The following OLFM3 variants were observed in gnomAD, a reference collection of about 807,000 sequenced individuals.
OLFM3 encodes olfactomedin 3.
Under a neutral mutation model 48.6 loss-of-function variants are expected in OLFM3, and 20 were observed. That is an observed-to-expected ratio of 0.41 (90% confidence interval 0.29 to 0.60). OLFM3 has a LOEUF of 0.60. Among genes scored for constraint, OLFM3 ranks in the 20% least tolerant of loss-of-function variants. The pLI, the probability that OLFM3 is intolerant of heterozygous loss-of-function variation, is 0.28. For synonymous variants in OLFM3, 222 were observed against 198.1 expected (o/e 1.12, Z -1.01); for missense variants, 437 against 544.3 (o/e 0.80, Z 1.96).
chr1:101,838,667 G>C (rs1187780968), intron 1 of OLFM3, among the ~76,000 whole-genome samples: 3 of 151,880 alleles, frequency 2.0e-5, no homozygotes, highest in Non-Finnish European at 4.4e-5. Context: ...TTTTAGTAGA[G>C]TTGGATCTCG....
At chr1:101,993,684 G>C (rs1661478018) in intron 1 of OLFM3, among the ~76,000 whole-genome samples, 1 of 152,006 alleles carries the variant, frequency 6.6e-6, no homozygotes, top group South Asian at 2.1e-4. Flanking sequence ...TTGATCATCT[G>C]TCCCTATAAA....
chr1:101,894,556 T>C (rs1658125960), intron 1 of OLFM3, among the ~76,000 whole-genome samples: 1 of 152,184 alleles, frequency 6.6e-6, no homozygotes, highest in Admixed American at 6.5e-5. Context: ...ATTTATTTTC[T>C]TTTACATAAA....
chr1:101,890,878 T>G (rs1406674247), intron 1 of OLFM3, among the ~76,000 whole-genome samples: 1 of 151,920 alleles, frequency 6.6e-6, no homozygotes, highest in African/African-American at 2.4e-5. Context: ...TTCAGCAAAT[T>G]GAAGACAACA....
At chr1:101,959,833 G>T (rs917550857) in intron 1 of OLFM3, among the ~76,000 whole-genome samples, 14 of 151,988 alleles carry the variant, frequency 9.2e-5, no homozygotes, top group African/African-American at 3.4e-4. Flanking sequence ...ACAAGAAAGT[G>T]GCATACATAA....
At chr1:101,895,608 T>C (rs1477528159) in intron 1 of OLFM3, among the ~76,000 whole-genome samples, 1 of 152,176 alleles carries the variant, frequency 6.6e-6, no homozygotes, top group Non-Finnish European at 1.5e-5. Context: ...TTTTGGACCT[T>C]TGATCCATGT....
chr1:101,875,082 T>C (rs1657245393), intron 1 of OLFM3, among the ~76,000 whole-genome samples: 1 of 151,940 alleles, frequency 6.6e-6, no homozygotes, highest in African/African-American at 2.4e-5. Context: ...TATTAGTTTA[T>C]GAAAAAAGTA....
intron 1 of OLFM3, among the ~76,000 whole-genome samples, chr1:101,929,213 T>C (rs1465793906): frequency 6.6e-6 from 1 of 152,154 alleles, no homozygotes; most frequent in Non-Finnish European, 1.5e-5. Flanking sequence ...ATAAGTGCTC[T>C]CAGTGTAATC....
chr1:101,926,020 T>C (rs1337212781), intron 1 of OLFM3, among the ~76,000 whole-genome samples: 3 of 152,134 alleles, frequency 2.0e-5, no homozygotes, highest in Non-Finnish European at 4.4e-5. Flanking sequence ...AGAAGTGAGA[T>C]GGGATAATCA....
At chr1:101,901,311 A>G (rs1658379519) in intron 1 of OLFM3, among the ~76,000 whole-genome samples, 1 of 152,126 alleles carries the variant, frequency 6.6e-6, no homozygotes, top group African/African-American at 2.4e-5. Flanking sequence ...TATCAATCAT[A>G]TAGGACAAAG....
At chr1:101,986,559 G>T (rs183335932) in intron 1 of OLFM3, among the ~76,000 whole-genome samples, 4 of 152,150 alleles carry the variant, frequency 2.6e-5, no homozygotes, top group Admixed American at 2.0e-4. Context: ...TCTCCATTTT[G>T]TATGCTAAAT....
intron 1 of OLFM3, among the ~76,000 whole-genome samples, chr1:101,897,849 T>G (rs1658256922): frequency 6.6e-6 from 1 of 152,114 alleles, no homozygotes; most frequent in South Asian, 2.1e-4. Context: ...TAAACAGAAC[T>G]TTTAAGATTA....
At chr1:101,980,975 C>T (rs1661091288) in intron 1 of OLFM3, among the ~76,000 whole-genome samples, 4 of 152,168 alleles carry the variant, frequency 2.6e-5, no homozygotes, top group Admixed American at 2.6e-4. Context: ...GTGACATTTC[C>T]TCATGTCTGC....
chr1:101,962,311 T>A (rs1381362509), intron 1 of OLFM3, among the ~76,000 whole-genome samples: 1 of 152,118 alleles, frequency 6.6e-6, no homozygotes, highest in Admixed American at 6.6e-5. Flanking sequence ...ACTCCTTCCT[T>A]CTAGTGGGGA....
intron 1 of OLFM3, among the ~76,000 whole-genome samples, chr1:101,949,842 A>G (rs1365871207): frequency 6.7e-6 from 1 of 149,950 alleles, no homozygotes; most frequent in Non-Finnish European, 1.5e-5. Flanking sequence ...AGGCACGAGA[A>G]TGGCGTAAAC....
At chr1:101,906,216 T>C (rs1273559822) in intron 1 of OLFM3, among the ~76,000 whole-genome samples, 1 of 152,066 alleles carries the variant, frequency 6.6e-6, no homozygotes, top group Non-Finnish European at 1.5e-5. Context: ...GATACTTTAC[T>C]CTGATTTCTT....
chr1:101,875,986 G>A (rs967357931), intron 1 of OLFM3, among the ~76,000 whole-genome samples: 1 of 151,978 alleles, frequency 6.6e-6, no homozygotes, highest in African/African-American at 2.4e-5. Flanking sequence ...CATGCTAAAA[G>A]AGAATTTATC....
chr1:101,979,743 G>A (rs1017132807), intron 1 of OLFM3, among the ~76,000 whole-genome samples: 1 of 152,150 alleles, frequency 6.6e-6, no homozygotes, highest in African/African-American at 2.4e-5. Flanking sequence ...GTCTCTACTG[G>A]GGCACTACCT....
intron 1 of OLFM3, among the ~76,000 whole-genome samples, chr1:101,887,071 T>C (rs1272525116): frequency 6.6e-6 from 1 of 151,990 alleles, no homozygotes; most frequent in Non-Finnish European, 1.5e-5. Flanking sequence ...TTTTTCAAAT[T>C]AGCTGGAGAA....
At chr1:101,985,188 T>C (rs1283124955) in intron 1 of OLFM3, among the ~76,000 whole-genome samples, 1 of 152,154 alleles carries the variant, frequency 6.6e-6, no homozygotes, top group Non-Finnish European at 1.5e-5. Flanking sequence ...GCCTCCAGCC[T>C]TCCTCTTAAA....
Sources: allele counts gnomAD v4.1 joint callset (sites outside exome capture counted in the v4.1 genomes callset), GRCh38; gene constraint gnomAD v4.1.1; transcripts MANE v1.5; gene names NCBI Gene and HGNC (gene_info 2026-07-23, HGNC 2026-07-21).